Variants in DLG1 observed in about 807,000 individuals in gnomAD.
DLG1 encodes discs large MAGUK scaffold protein 1.
Under a neutral mutation model 123.4 loss-of-function variants are expected in DLG1, and 42 were observed. The observed-to-expected ratio is 0.34, with a 90% CI of 0.27 to 0.44. The LOEUF (loss-of-function observed/expected upper bound fraction) is 0.44, where lower values mean the gene tolerates loss of function less well. DLG1 is among the 20% of genes least tolerant of loss of function. The probability of loss-of-function intolerance (pLI) is 1.00; values close to 1 mark genes in which losing one functional copy is unlikely to be tolerated. For missense variants in DLG1, 942 were observed against 1,082.6 expected, an observed-to-expected ratio of 0.87 and a Z score of 1.82; for synonymous variants, 317 against 356.2, an observed-to-expected ratio of 0.89 and a Z score of 1.24.
chr3:197,297,947 G>A (rs953358044), intron 1 of DLG1: 2 of 980,912 alleles, frequency 2.0e-6, no homozygotes, highest in Non-Finnish European at 1.2e-6. Flanking sequence ...CGGGGGAGGA[G>A]CTCCCCTGGG....
intron 17 of DLG1, chr3:197,078,626 T>C (rs1410495374): frequency 2.0e-5 from 3 of 152,178 alleles, no homozygotes; most frequent in Admixed American, 1.3e-4. Flanking sequence ...TTTTATAAAC[T>C]GTCAAGTAGC....
chr3:197,189,136 G>C (rs1046971471), intron 5 of DLG1, among the ~76,000 whole-genome samples: 5 of 152,166 alleles, frequency 3.3e-5, no homozygotes, highest in Non-Finnish European at 5.9e-5. Context: ...TTCTGACTCA[G>C]TAATCTGACT....
At chr3:197,190,644 C>T (rs888641895) in intron 5 of DLG1, among the ~76,000 whole-genome samples, 1 of 152,160 alleles carries the variant, frequency 6.6e-6, no homozygotes, top group African/African-American at 2.4e-5. Context: ...GGCCAGTCTG[C>T]GTTCCAATTC....
rs540081289 is a variant in DLG1, at chr3:197,255,044, G to A, written c.318+27635C>T. Among the ~76,000 whole-genome samples, 506 of 152,006 alleles carry A rather than the reference G, an allele frequency of 3.3e-3. 2 individuals are homozygous for A. The highest frequency in any genetic ancestry group is 5.3e-3 in the Non-Finnish European group (362 of 67,956). ...GCATTCCAGCCTGGGTGACAAGAGC[G>A]AGATTCTGTCTCAAAAAAAAAAATC... On this transcript the variant is annotated intron_variant, in intron 4 of 24. Transcript: ENST00000667157.
intron 6 of DLG1, among the ~76,000 whole-genome samples, chr3:197,144,091 A>G (rs1789450703): frequency 6.6e-6 from 1 of 152,200 alleles, no homozygotes; most frequent in African/African-American, 2.4e-5. Context: ...CATTCCAGAC[A>G]TTCTTTTGCA....
intron 4 of DLG1, among the ~76,000 whole-genome samples, chr3:197,259,473 CTCTTT>C (rs1237709300): frequency 4.3e-4 from 66 of 152,230 alleles, no homozygotes; most frequent in African/African-American, 1.5e-3. Context: ...AATTTACCTA[CTCTTT>C]TATTACTGAA....
At chr3:197,121,864 C>T (rs1357572481) in intron 11 of DLG1, among the ~76,000 whole-genome samples, 2 of 149,568 alleles carry the variant, frequency 1.3e-5, no homozygotes, top group Non-Finnish European at 3.0e-5. Flanking sequence ...ATCTAGTCCT[C>T]TTAGGTAACA....
chr3:197,089,866 T>G (rs535743436), intron 15 of DLG1, among the ~76,000 whole-genome samples: 44 of 152,248 alleles, frequency 2.9e-4, no homozygotes, highest in African/African-American at 9.6e-4. Flanking sequence ...AAAAAAAATC[T>G]GATGCATTTA....
intron 18 of DLG1, among the ~76,000 whole-genome samples, chr3:197,073,484 C>G (rs1182344669): frequency 6.6e-6 from 1 of 152,152 alleles, no homozygotes; most frequent in Non-Finnish European, 1.5e-5. Context: ...AAATTACCTC[C>G]CTTAAAGCAT....
intron 16 of DLG1, among the ~76,000 whole-genome samples, chr3:197,083,705 C>CCCAGAGCT (rs1752507229): frequency 6.6e-6 from 1 of 152,162 alleles, no homozygotes; most frequent in African/African-American, 2.4e-5. Context: ...CAGCTGTCAT[C>CCCAGAGCT]CCAGAGCTGT....
At chr3:197,261,009 A>G (rs1759177117) in intron 4 of DLG1, among the ~76,000 whole-genome samples, 1 of 152,172 alleles carries the variant, frequency 6.6e-6, no homozygotes, top group African/African-American at 2.4e-5. Context: ...CAACAAAGGC[A>G]AATTTTAACT....
chr3:197,275,349 G>A (rs1409147662), intron 4 of DLG1, among the ~76,000 whole-genome samples: 1 of 152,070 alleles, frequency 6.6e-6, no homozygotes, highest in Non-Finnish European at 1.5e-5. Flanking sequence ...AAAACAGCAT[G>A]GTCATTTCTC....
intron 4 of DLG1, among the ~76,000 whole-genome samples, chr3:197,222,597 T>G (rs1362361846): frequency 6.6e-6 from 1 of 152,124 alleles, no homozygotes; most frequent in African/African-American, 2.4e-5. Context: ...TGAAGCAACA[T>G]AGCAAGGAGA....
rs184673151 is a variant in DLG1 at position 197,221,133 on chromosome 3, C to A, written c.319-26544G>T. ...ATACCATACCCTAAAAGCAAAGGGG[C>A]ATACTCCTTTTACTTGAGTGTAATG... On this transcript the variant is annotated intron_variant, in intron 4 of 24. Transcript: ENST00000667157. Among the ~76,000 whole-genome samples, 324 of 152,278 alleles carry A rather than the reference C, an allele frequency of 2.1e-3. 2 individuals are homozygous for A. Among genetic ancestry groups the A allele is most frequent in the African/African-American group, 7.5e-3 (311 of 41,564 alleles).
At chr3:197,284,557 T>C (rs567915188) in intron 3 of DLG1, among the ~76,000 whole-genome samples, 275 of 152,288 alleles carry the variant, frequency 1.8e-3, no homozygotes, top group Non-Finnish European at 3.4e-3. Flanking sequence ...GTCAAGAGAC[T>C]GCCAATAGCT....
At chr3:197,057,083 G>GT (rs11383520) in intron 23 of DLG1, among the ~76,000 whole-genome samples, 45,954 of 150,858 alleles carry the variant, frequency 0.3, 7,682 homozygotes, top group African/African-American at 0.43. Flanking sequence ...CTGACTCTTT[G>GT]TTTTTTTTTA....
chr3:197,230,289 T>C (rs1413933798), intron 4 of DLG1, among the ~76,000 whole-genome samples: 2 of 152,308 alleles, frequency 1.3e-5, no homozygotes, highest in Non-Finnish European at 2.9e-5. Context: ...ATTAAGTAAA[T>C]ATATGGTAAT....
Position 197,296,961 on chromosome 3 carries a change from G to C in DLG1, c.19+225C>G, listed in dbSNP as rs1479782919. ...TTATTAAGGACATCTGTTGGGGGGG[G>C]GCTAACTGCCTCTCTTAATCACTAG... On this transcript the variant is annotated intron_variant, in intron 2 of 24. Coordinates refer to ENST00000667157, the MANE Select transcript of DLG1 (RefSeq NM_001366207.1). 1.8e-5 allele frequency: 10 copies of C among 554,812 alleles called. 1 individual carries two copies. In the East Asian group the frequency reaches 2.8e-4, roughly 16 times the overall value. 34.4% of individuals were successfully genotyped at this position (554,812 alleles called of 1,614,324 possible).
chr3:197,103,777 T>C (rs532769729), intron 14 of DLG1, among the ~76,000 whole-genome samples: 6 of 151,382 alleles, frequency 4.0e-5, no homozygotes, highest in South Asian at 4.2e-4. Flanking sequence ...AAAGAATAAA[T>C]GTAATTAGTT....
Sources: allele counts gnomAD v4.1 joint callset (sites outside exome capture counted in the v4.1 genomes callset), GRCh38; gene constraint gnomAD v4.1.1; transcripts MANE v1.5; gene names NCBI Gene and HGNC (gene_info 2026-07-23, HGNC 2026-07-21).